Variants in KCNIP4 observed in about 807,000 individuals in gnomAD.
KCNIP4 encodes the protein Kv channel-interacting protein 4.
KCNIP4 carries 12 observed loss-of-function variants against 34.0 expected under a neutral mutation model. That is an observed-to-expected ratio of 0.35 (90% CI 0.23 to 0.57). KCNIP4 has a LOEUF of 0.57. Among genes scored for constraint, KCNIP4 ranks in the 20% least tolerant of loss-of-function variants. The pLI is 0.83. For missense variants in KCNIP4, 238 were observed against 311.7 expected, an observed-to-expected ratio of 0.76 and a Z score of 1.78; for synonymous variants, 124 against 102.2, an observed-to-expected ratio of 1.21 and a Z score of -1.29.
In KCNIP4 at chr4:21,473,291, C is replaced by T. The variant is rs114956305; in HGVS notation, c.61+475280G>A. On this transcript the variant is annotated intron_variant, in intron 1 of 8. Coordinates refer to ENST00000382152, the MANE Select transcript of KCNIP4 (RefSeq NM_025221.6). ...ATATATATTTCTCAGTCAGGGAATA[C>T]GGGGAAATCCTTTAAACTGTCAAAT... Among the ~76,000 whole-genome samples, 1,262 of 152,194 alleles carry T rather than the reference C, an allele frequency of 8.3e-3. 22 individuals carry two copies. Among genetic ancestry groups the T allele is most frequent in the African/African-American group, 0.029 (1,195 of 41,512 alleles).
At chr4:20,889,397 G>A (rs547231583) in intron 1 of KCNIP4, among the ~76,000 whole-genome samples, 1 of 152,132 alleles carries the variant, frequency 6.6e-6, no homozygotes, top group South Asian at 2.1e-4. Context: ...TAAGGTATTT[G>A]TTTTCTATAA....
intron 1 of KCNIP4, among the ~76,000 whole-genome samples, chr4:20,933,547 T>C (rs904672504): frequency 1.3e-5 from 2 of 152,152 alleles, no homozygotes; most frequent in Non-Finnish European, 2.9e-5. Flanking sequence ...TTCACATATA[T>C]CACACTTTAA....
chr4:21,912,910 A>G (rs192575461), intron 1 of KCNIP4, among the ~76,000 whole-genome samples: 2 of 151,616 alleles, frequency 1.3e-5, no homozygotes, highest in Non-Finnish European at 2.9e-5. Context: ...GTTGTGGACT[A>G]TATTTACATA....
At chr4:21,528,760 AAAG>A (rs1736318459) in intron 1 of KCNIP4, among the ~76,000 whole-genome samples, 3 of 9,508 alleles carry the variant, frequency 3.2e-4, no homozygotes, top group African/African-American at 1.4e-3. Context: ...AGAAAGAAAG[AAAG>A]AAAGAAAGAA....
intron 3 of KCNIP4, among the ~76,000 whole-genome samples, chr4:20,843,465 C>A (rs1250730233): frequency 6.6e-6 from 1 of 152,154 alleles, no homozygotes; most frequent in Non-Finnish European, 1.5e-5. Flanking sequence ...CATAGTGGCT[C>A]ATGCTTGTAA....
At chr4:21,335,630 T>C (rs1382625099) in intron 1 of KCNIP4, among the ~76,000 whole-genome samples, 2 of 152,330 alleles carry the variant, frequency 1.3e-5, no homozygotes, top group Admixed American at 6.5e-5. Flanking sequence ...AATAGGTGGA[T>C]TGTTTTAATA....
At chr4:21,927,243 AT>A (rs1296435528) in intron 1 of KCNIP4, among the ~76,000 whole-genome samples, 3 of 152,170 alleles carry the variant, frequency 2.0e-5, no homozygotes, top group Non-Finnish European at 4.4e-5. Context: ...ATCACCCTGG[AT>A]AATTGTCCCA....
chr4:20,798,340 G>T (rs951417327), intron 3 of KCNIP4, among the ~76,000 whole-genome samples: 3 of 152,210 alleles, frequency 2.0e-5, no homozygotes, highest in African/African-American at 4.8e-5. Flanking sequence ...GATGGGCCTT[G>T]TGAAAAGCTG....
intron 1 of KCNIP4, among the ~76,000 whole-genome samples, chr4:21,519,702 GTATGTA>G (rs1486045634): frequency 3.7e-4 from 51 of 138,956 alleles, no homozygotes; most frequent in Admixed American, 2.4e-3. Flanking sequence ...ACACGTGTGT[GTATGTA>G]TGTGTATATA....
At chr4:21,849,135 A>G (rs1453411739) in intron 1 of KCNIP4, 1 of 152,176 alleles carries the variant, frequency 6.6e-6, no homozygotes, top group African/African-American at 2.4e-5. Flanking sequence ...CAATGAAAAT[A>G]TTCATTTCTA....
chr4:20,989,203 T>C (rs892791583), intron 1 of KCNIP4, among the ~76,000 whole-genome samples: 17 of 152,236 alleles, frequency 1.1e-4, no homozygotes, highest in African/African-American at 3.6e-4. Context: ...AATCTGTCCT[T>C]TGTCAGTTTA....
intron 1 of KCNIP4, among the ~76,000 whole-genome samples, chr4:20,947,190 A>G (rs1732276165): frequency 6.6e-6 from 1 of 152,004 alleles, no homozygotes; most frequent in South Asian, 2.1e-4. Context: ...TAGTTTTGAG[A>G]TGGATTCTCA....
chr4:21,364,893 G>A (rs1204903870), intron 1 of KCNIP4, among the ~76,000 whole-genome samples: 1 of 152,158 alleles, frequency 6.6e-6, no homozygotes, highest in Non-Finnish European at 1.5e-5. Context: ...GATGGTTGGG[G>A]TCCTTTGCAT....
intron 1 of KCNIP4, among the ~76,000 whole-genome samples, chr4:21,073,850 C>T (rs188827232): frequency 7.2e-5 from 11 of 152,112 alleles, no homozygotes; most frequent in East Asian, 5.8e-4. Flanking sequence ...GCATGAAGGG[C>T]TGTTGAATTT....
At chr4:21,904,735 T>A (rs1727897867) in intron 1 of KCNIP4, among the ~76,000 whole-genome samples, 1 of 152,116 alleles carries the variant, frequency 6.6e-6, no homozygotes, top group Non-Finnish European at 1.5e-5. Context: ...TGAAATCATT[T>A]TTTGTGGTAG....
intron 1 of KCNIP4, among the ~76,000 whole-genome samples, chr4:21,451,025 A>G (rs1026382247): frequency 2.0e-5 from 3 of 152,156 alleles, no homozygotes; most frequent in African/African-American, 7.2e-5. Context: ...ACACAGAGCA[A>G]AAACGACATA....
chr4:21,643,387 T>C (rs114045487), intron 1 of KCNIP4, among the ~76,000 whole-genome samples: 7 of 152,160 alleles, frequency 4.6e-5, no homozygotes, highest in Non-Finnish European at 7.4e-5. Context: ...GATAGTAGTA[T>C]TAATCATGTT....
At position 21,233,944 on chromosome 4, in the gene KCNIP4, TACATATAAC is replaced by T. The variant is rs1299851952; in HGVS notation, c.62-351244_62-351236del. ...TTATGTAATTATATTATATAAATAT[TACATATAAC>T]ATATATAACATATATTATATAACAT... is the stretch of plus-strand genomic sequence containing the variant. On this transcript the variant is annotated intron_variant, in intron 1 of 8. Transcript: ENST00000382152. 2.4e-5 allele frequency among the ~76,000 whole-genome samples: 3 copies of T among 125,478 alleles called. 1 individual carries two copies. The South Asian group carries it at 7.0e-4, about 29-fold the overall frequency. The allele number at this position is 125,478 out of a possible 152,430, so 82.3% of individuals were successfully genotyped here. A position where few individuals can be genotyped will look rare whatever the true frequency, so the allele number is the denominator to read the frequency against.
chr4:21,172,473 G>A (rs1247699486), intron 1 of KCNIP4, among the ~76,000 whole-genome samples: 1 of 152,156 alleles, frequency 6.6e-6, no homozygotes, highest in African/African-American at 2.4e-5. Context: ...GGGAAGAGAT[G>A]GGATTGAAAT....
Sources: gnomAD v4.1 joint callset for allele counts (sites outside exome capture counted in the v4.1 genomes callset) on GRCh38, gnomAD v4.1.1 for gene constraint, MANE v1.5 for transcripts, NCBI Gene and HGNC (gene_info 2026-07-23, HGNC 2026-07-21) for gene names.